SKAP1: variants seen among roughly 807,000 people sequenced by gnomAD.
SKAP1 encodes src kinase-associated phosphoprotein 1.
Under a neutral mutation model 58.5 loss-of-function variants are expected in SKAP1, and 44 were observed. That is an observed-to-expected ratio of 0.75 (90% CI 0.59 to 0.97). SKAP1 has a LOEUF of 0.97. Ranked by LOEUF, SKAP1 falls within the 50% of genes least tolerant of loss-of-function variation. The pLI is 0.00. For missense variants in SKAP1, 390 were observed against 435.2 expected (o/e 0.90, Z 0.92); for synonymous variants, 127 against 149.7 (o/e 0.85, Z 1.11).
chr17:48,213,564 G>A (rs190058679), intron 4 of SKAP1, among the ~76,000 whole-genome samples: 11 of 152,252 alleles, frequency 7.2e-5, no homozygotes, highest in Non-Finnish European at 1.6e-4. Context: ...AAGAAAGCTA[G>A]TGTGGCAAGA....
At chr17:48,187,762 C>A in intron 6 of SKAP1, 81 bp downstream of exon 6, 1 of 962,928 alleles carries the variant, frequency 1.0e-6, no homozygotes, top group Non-Finnish European at 1.6e-6. Context: ...GGACTGCTAT[C>A]TTGGGATCTA....
At chr17:48,265,498 A>T (rs914214830) in intron 4 of SKAP1, among the ~76,000 whole-genome samples, 1 of 122,750 alleles carries the variant, frequency 8.1e-6, no homozygotes, top group African/African-American at 2.6e-5. Flanking sequence ...CTCAAAAAAA[A>T]AAAAAGCAAG....
intron 4 of SKAP1, among the ~76,000 whole-genome samples, chr17:48,296,348 G>A (rs1034130520): frequency 1.2e-4 from 19 of 152,040 alleles, no homozygotes; most frequent in Admixed American, 3.3e-4. Flanking sequence ...TCTCACTATT[G>A]GAAAATAGGT....
chr17:48,169,308 G>A (rs1267113971), intron 10 of SKAP1, among the ~76,000 whole-genome samples: 1 of 152,122 alleles, frequency 6.6e-6, no homozygotes, highest in Non-Finnish European at 1.5e-5. Flanking sequence ...TTGGCCATAG[G>A]AAGCTTACAG....
intron 3 of SKAP1, among the ~76,000 whole-genome samples, chr17:48,348,839 C>T (rs1056374844): frequency 2.0e-5 from 3 of 152,204 alleles, no homozygotes; most frequent in Non-Finnish European, 2.9e-5. Context: ...CTTTCAACAG[C>T]CACCCCTGGT....
chr17:48,402,866 G>A (rs2067517941), intron 1 of SKAP1, among the ~76,000 whole-genome samples: 1 of 152,158 alleles, frequency 6.6e-6, no homozygotes, highest in Non-Finnish European at 1.5e-5. Context: ...TATAGAATAG[G>A]CAGATCTAAA....
chr17:48,134,373 C>T (rs1757859836), intron 12 of SKAP1, among the ~76,000 whole-genome samples: 1 of 152,092 alleles, frequency 6.6e-6, no homozygotes, highest in South Asian at 2.1e-4. Flanking sequence ...GGCTGGAGTA[C>T]AGTGGCTTGA....
intron 2 of SKAP1, chr17:48,380,312 C>T (rs2067199207): frequency 1.3e-5 from 2 of 152,196 alleles, no homozygotes; most frequent in African/African-American, 4.8e-5. Context: ...TCCCCATCTC[C>T]TCACCCCAGG....
chr17:48,394,130 G>A (rs749898961), intron 2 of SKAP1, among the ~76,000 whole-genome samples: 9 of 151,962 alleles, frequency 5.9e-5, no homozygotes, highest in Non-Finnish European at 8.8e-5. Flanking sequence ...GGCTGAGGTC[G>A]GGGGATCGCT....
chr17:48,186,525 G>A (rs868638830), intron 6 of SKAP1, among the ~76,000 whole-genome samples: 2 of 151,948 alleles, frequency 1.3e-5, no homozygotes, highest in South Asian at 4.2e-4. Flanking sequence ...TCGCTCTGTT[G>A]CCCAGGGTGG....
intron 4 of SKAP1, among the ~76,000 whole-genome samples, chr17:48,316,226 T>C (rs541535913): frequency 2.7e-4 from 41 of 152,344 alleles, no homozygotes; most frequent in Non-Finnish European, 5.6e-4. Flanking sequence ...AGTGACTTAG[T>C]CCTTTCTGTC....
intron 11 of SKAP1, among the ~76,000 whole-genome samples, chr17:48,142,548 T>C (rs2063781218): frequency 6.6e-6 from 1 of 152,222 alleles, no homozygotes; most frequent in African/African-American, 2.4e-5. Context: ...GGAATTTGTA[T>C]TCTTAGTTGA....
chr17:48,379,748 C>T (rs1035143783), intron 2 of SKAP1, among the ~76,000 whole-genome samples: 2 of 145,954 alleles, frequency 1.4e-5, no homozygotes, highest in Non-Finnish European at 3.0e-5. Context: ...GTGGCATAAT[C>T]TCAGTTCACT....
intron 4 of SKAP1, among the ~76,000 whole-genome samples, chr17:48,316,851 C>A (rs1381702620): frequency 2.6e-5 from 4 of 151,518 alleles, no homozygotes; most frequent in Admixed American, 6.6e-5. Flanking sequence ...TTGCATAACA[C>A]TGAAACCATA....
chr17:48,362,980 T>A (rs900171027), intron 3 of SKAP1, among the ~76,000 whole-genome samples: 1 of 152,144 alleles, frequency 6.6e-6, no homozygotes, highest in African/African-American at 2.4e-5. Context: ...GCCCCTCCAT[T>A]TATAATAAAT....
At chr17:48,360,747 A>G (rs1411569902) in intron 3 of SKAP1, among the ~76,000 whole-genome samples, 1 of 152,202 alleles carries the variant, frequency 6.6e-6, no homozygotes, top group Non-Finnish European at 1.5e-5. Flanking sequence ...TTTTTAAAAT[A>G]AATATCATTC....
intron 4 of SKAP1, among the ~76,000 whole-genome samples, chr17:48,268,274 AC>A (rs61437447): frequency 0.32 from 41,493 of 129,084 alleles, 5,893 homozygotes; most frequent in Admixed American, 0.4. Context: ...TAAAAAAAAA[AC>A]AAAAAACCCA....
At chr17:48,409,206 C>G (rs1276478369) in intron 1 of SKAP1, among the ~76,000 whole-genome samples, 1 of 152,120 alleles carries the variant, frequency 6.6e-6, no homozygotes, top group African/African-American at 2.4e-5. Context: ...AAGTATTTAT[C>G]CAATTAAGCT....
intron 4 of SKAP1, among the ~76,000 whole-genome samples, chr17:48,302,411 G>GTTGCTCTTGCGTGTCTTATA (rs2066071631): frequency 6.6e-6 from 1 of 152,036 alleles, no homozygotes. Context: ...GTACTACTAT[G>GTTGCTCTTGCGTGTCTTATA]TTGCTCTTGC....
Sources: gnomAD v4.1 joint callset for allele counts (sites outside exome capture counted in the v4.1 genomes callset) on GRCh38, gnomAD v4.1.1 for gene constraint, MANE v1.5 for transcripts, NCBI Gene and HGNC (gene_info 2026-07-23, HGNC 2026-07-21) for gene names.